INPP4B: variants seen among roughly 807,000 people sequenced by gnomAD.
INPP4B encodes the protein inositol polyphosphate-4-phosphatase type II B, also known as inositol polyphosphate 4-phosphatase type II.
In INPP4B, 55 loss-of-function variants were observed where a neutral mutation model predicts 122.5. The observed-to-expected ratio is 0.45, with a 90% CI of 0.36 to 0.56. The LOEUF (loss-of-function observed/expected upper bound fraction) is 0.56. INPP4B is among the 20% of genes least tolerant of loss of function. The probability of loss-of-function intolerance (pLI) is 0.00; values close to 1 mark genes in which losing one functional copy is unlikely to be tolerated. For missense variants in INPP4B, 1,000 were observed against 1,097.7 expected, an observed-to-expected ratio of 0.91 and a Z score of 1.26; for synonymous variants, 403 against 388.7, an observed-to-expected ratio of 1.04 and a Z score of -0.43.
chr4:142,301,902 T>A (rs910087321), intron 9 of INPP4B, among the ~76,000 whole-genome samples: 1 of 152,196 alleles, frequency 6.6e-6, no homozygotes, highest in African/African-American at 2.4e-5. Context: ...AAGATCAATA[T>A]AATTTTTTTT....
chr4:142,251,139 A>G (rs1731805826), intron 11 of INPP4B, among the ~76,000 whole-genome samples: 2 of 152,172 alleles, frequency 1.3e-5, no homozygotes, highest in African/African-American at 4.8e-5. Flanking sequence ...GCTTGATTTT[A>G]AAGTAATGTT....
At chr4:142,628,140 A>G (rs980062129) in intron 2 of INPP4B, among the ~76,000 whole-genome samples, 11 of 151,228 alleles carry the variant, frequency 7.3e-5, no homozygotes, top group South Asian at 2.1e-4. Context: ...TATTCACAAT[A>G]GCAAAGACTT....
At chr4:142,198,683 A>C (rs1839430275) in intron 14 of INPP4B, among the ~76,000 whole-genome samples, 2 of 152,000 alleles carry the variant, frequency 1.3e-5, no homozygotes, top group South Asian at 4.1e-4. Context: ...CTTATTTATA[A>C]TTCCTTGAAT....
At chr4:142,666,086 A>G (rs1279531466) in intron 2 of INPP4B, among the ~76,000 whole-genome samples, 6 of 152,182 alleles carry the variant, frequency 3.9e-5, no homozygotes, top group African/African-American at 1.4e-4. Flanking sequence ...TGAAACTGCA[A>G]ATTGCAAAAT....
intron 25 of INPP4B, among the ~76,000 whole-genome samples, chr4:142,061,860 A>G (rs1167369091): frequency 7.0e-6 from 1 of 141,952 alleles, no homozygotes; most frequent in Non-Finnish European, 1.5e-5. Flanking sequence ...ATACATATAT[A>G]TATGTACACA....
At chr4:142,705,440 C>T (rs1183542884) in intron 2 of INPP4B, among the ~76,000 whole-genome samples, 1 of 144,984 alleles carries the variant, frequency 6.9e-6, no homozygotes, top group African/African-American at 2.6e-5. Context: ...CCAAGTCTCT[C>T]TACCCATTCC....
At chr4:142,722,114 C>T (rs1483714538) in intron 2 of INPP4B, among the ~76,000 whole-genome samples, 1 of 152,050 alleles carries the variant, frequency 6.6e-6, no homozygotes, top group Non-Finnish European at 1.5e-5. Flanking sequence ...TATATATACA[C>T]ACACACATAT....
At chr4:142,223,487 A>G (rs868400152) in intron 12 of INPP4B, among the ~76,000 whole-genome samples, 4 of 152,122 alleles carry the variant, frequency 2.6e-5, no homozygotes, top group African/African-American at 9.7e-5. Flanking sequence ...TCTTGGCACA[A>G]TTGAAAAAAA....
chr4:142,383,111 G>A (rs1180784537), intron 7 of INPP4B, among the ~76,000 whole-genome samples: 1 of 151,840 alleles, frequency 6.6e-6, no homozygotes, highest in African/African-American at 2.4e-5. Flanking sequence ...CTGATATTAA[G>A]CCACTTTTGC....
chr4:142,769,841 A>C (rs1225003221), intron 1 of INPP4B, among the ~76,000 whole-genome samples: 1 of 152,046 alleles, frequency 6.6e-6, no homozygotes, highest in Non-Finnish European at 1.5e-5. Flanking sequence ...TTGAGCCAGG[A>C]AGACAGAGGT....
chr4:142,420,236 C>A (rs1806581591), intron 5 of INPP4B, among the ~76,000 whole-genome samples: 1 of 152,016 alleles, frequency 6.6e-6, no homozygotes, highest in Non-Finnish European at 1.5e-5. Context: ...AAAGTTCCTA[C>A]AATGTATTAC....
chr4:142,801,327 T>C (rs956756237), intron 1 of INPP4B, among the ~76,000 whole-genome samples: 7 of 152,162 alleles, frequency 4.6e-5, no homozygotes, highest in African/African-American at 1.7e-4. Context: ...AGAATGTAAC[T>C]GTATTTGGAG....
rs1402180135 is a variant in INPP4B, at chr4:142,545,799, A to G, written c.-190-83073T>C. On this transcript the variant is annotated intron_variant, in intron 2 of 25. Transcript: ENST00000262992. ...TATATACACATATATATGTGTGTAT[A>G]TATATACACATATACATGTGTGTAT... 2.7e-4 allele frequency among the ~76,000 whole-genome samples: 24 copies of G among 90,490 alleles called. 1 individual carries two copies. The East Asian group carries it at 7.1e-3, about 27-fold the overall frequency. 59.4% of individuals were successfully genotyped at this position (90,490 alleles called of 152,430 possible).
At chr4:142,427,442 C>T in intron 5 of INPP4B, 1 of 660,706 alleles carries the variant, frequency 1.5e-6, no homozygotes, top group East Asian at 2.7e-5. Flanking sequence ...TGAATAAATT[C>T]TTGCAGCTGC....
At chr4:142,236,143 A>AT (rs1856619998) in intron 12 of INPP4B, among the ~76,000 whole-genome samples, 1 of 152,146 alleles carries the variant, frequency 6.6e-6, no homozygotes, top group Non-Finnish European at 1.5e-5. Context: ...CTTATTCTAC[A>AT]TAACTCCTGT....
At chr4:142,641,055 T>C (rs528078727) in intron 2 of INPP4B, among the ~76,000 whole-genome samples, 266 of 152,206 alleles carry the variant, frequency 1.7e-3, no homozygotes, top group African/African-American at 5.8e-3. Context: ...ACCTAAGATG[T>C]AATAATTGCA....
chr4:142,767,850 G>A lies in INPP4B; in HGVS notation c.-253-41949C>T, dbSNP rs574774655. ...TACCCACCAGCTCCTGTGCATCTGT[G>A]GTTGAGGGTTGCCCTGAGAATGTTA... On this transcript the variant is annotated intron_variant, in intron 1 of 25. Coordinates refer to ENST00000262992, the MANE Select transcript of INPP4B (RefSeq NM_001101669.3). The A allele has an allele frequency of 4.4e-4, 67 of 152,332 alleles. 1 individual carries two copies. Among genetic ancestry groups the A allele is most frequent in the African/African-American group, 1.6e-3 (66 of 41,580 alleles). 9.4% of individuals were successfully genotyped at this position (152,332 alleles called of 1,614,324 possible).
At position 142,648,479 on chromosome 4, in the gene INPP4B, T is replaced by C. The variant is rs373899955; in HGVS notation, c.-191+77360A>G. Among the ~76,000 whole-genome samples the C allele has an allele frequency of 2.0e-5, 3 of 152,216 alleles. No individual in the cohort carries two copies. In the South Asian group the frequency reaches 6.2e-4, roughly 32 times the overall value. ...ACACTCCTGTATGAATACTGTGCTG[T>C]TACCAAGGTCTTAGCAACAAGCAGA... On this transcript the variant is annotated intron_variant, in intron 2 of 25. Coordinates refer to ENST00000262992, the MANE Select transcript of INPP4B (RefSeq NM_001101669.3).
At chr4:142,616,963 G>T (rs1320655097) in intron 2 of INPP4B, among the ~76,000 whole-genome samples, 1 of 152,008 alleles carries the variant, frequency 6.6e-6, no homozygotes. Context: ...AAGGGTATGA[G>T]GAATTAAATA....
Sources: gnomAD v4.1 joint callset for allele counts (sites outside exome capture counted in the v4.1 genomes callset) on GRCh38, gnomAD v4.1.1 for gene constraint, MANE v1.5 for transcripts, NCBI Gene and HGNC (gene_info 2026-07-23, HGNC 2026-07-21) for gene names.